The following PRDM16 variants were observed in gnomAD, a reference collection of about 807,000 sequenced individuals.
The protein encoded by PRDM16 is histone-lysine N-methyltransferase PRDM16.
PRDM16 carries 23 observed loss-of-function variants against 110.6 expected under a neutral mutation model. The ratio of observed to expected loss-of-function variants is 0.21; its 90% CI spans 0.15 to 0.29. PRDM16 has a LOEUF of 0.29. Ranked by LOEUF, PRDM16 falls within the 10% of genes least tolerant of loss-of-function variation. The pLI is 1.00. For missense variants in PRDM16, 1,615 were observed against 1,794.3 expected (o/e 0.90, Z 1.81); for synonymous variants, 799 against 781.8 (o/e 1.02, Z -0.37).
intron 1 of PRDM16, among the ~76,000 whole-genome samples, chr1:3,135,159 C>T (rs925136523): frequency 6.6e-6 from 1 of 152,210 alleles, no homozygotes; most frequent in Non-Finnish European, 1.5e-5. Context: ...AAGGCAGCTC[C>T]AAGAGTCCAG....
At chr1:3,321,765 G>T (rs976744620) in intron 3 of PRDM16, among the ~76,000 whole-genome samples, 7 of 151,130 alleles carry the variant, frequency 4.6e-5, no homozygotes, top group African/African-American at 1.7e-4. Context: ...GTGTGTTTGT[G>T]TATGTGTGCA....
Position 3,165,042 on chromosome 1 carries a change from G to A in PRDM16, c.38-21083G>A, listed in dbSNP as rs1305463786. 3.3e-5 allele frequency among the ~76,000 whole-genome samples: 5 copies of A among 152,254 alleles called. No homozygotes were observed. In the East Asian group the frequency reaches 7.7e-4, roughly 23 times the overall value. ...CTGTGCCAAGTGACATGGTGCTTGGGGAGATGCCTGGGCATGGCCTGGTAG... is the reference window on the plus strand; with the variant it reads ...CTGTGCCAAGTGACATGGTGCTTGGAGAGATGCCTGGGCATGGCCTGGTAG... On this transcript the variant is annotated intron_variant, in intron 1 of 16. Coordinates refer to ENST00000270722, the MANE Select transcript of PRDM16 (RefSeq NM_022114.4).
intron 3 of PRDM16, among the ~76,000 whole-genome samples, chr1:3,323,196 C>A (rs1186209186): frequency 6.6e-6 from 1 of 152,218 alleles, no homozygotes; most frequent in East Asian, 1.9e-4. Flanking sequence ...ATGGCAGGAT[C>A]CACCCCACCC....
rs1644184832 is a variant in PRDM16, at chr1:3,181,514, A to ACACAAGCG, written c.38-4611_38-4610insCACAAGCG. On this transcript the variant is annotated intron_variant, in intron 1 of 16. Coordinates refer to ENST00000270722, the MANE Select transcript of PRDM16 (RefSeq NM_022114.4). ...GCCTTACGCATGGTCTTACACACGC[A>ACACAAGCG]GTCTTACACAAGCGGTCTTACACAC... 1.8e-4 allele frequency among the ~76,000 whole-genome samples: 10 copies of ACACAAGCG among 55,158 alleles called. 1 individual carries two copies. The highest frequency in any genetic ancestry group is 4.7e-4 in the African/African-American group (10 of 21,204). The allele number at this position is 55,158 out of a possible 152,430, so 36.2% of individuals were successfully genotyped here.
At chr1:3,087,749 G>T (rs1368483548) in intron 1 of PRDM16, among the ~76,000 whole-genome samples, 1 of 152,130 alleles carries the variant, frequency 6.6e-6, no homozygotes, top group Admixed American at 6.5e-5. Flanking sequence ...CGTCTTGGTT[G>T]TGTCTGCCAG....
intron 2 of PRDM16, among the ~76,000 whole-genome samples, chr1:3,200,493 C>T (rs562676072): frequency 5.9e-5 from 9 of 152,326 alleles, no homozygotes; most frequent in South Asian, 2.1e-4. Context: ...CAGGCGCCCG[C>T]CACCACGCCT....
At chr1:3,402,273 C>CG (rs1287255732) in intron 5 of PRDM16, among the ~76,000 whole-genome samples, 16 of 152,198 alleles carry the variant, frequency 1.1e-4, no homozygotes, top group East Asian at 7.7e-4. Context: ...CCAGAGCCCC[C>CG]CACCGGGATG....
At chr1:3,156,066 GCAAATTCATCAC>G (rs1391321364) in intron 1 of PRDM16, among the ~76,000 whole-genome samples, 4 of 152,168 alleles carry the variant, frequency 2.6e-5, no homozygotes, top group Non-Finnish European at 5.9e-5. Flanking sequence ...AGGACCATTT[GCAAATTCATCAC>G]CGATATTCTT....
At chr1:3,421,040 G>A (rs1180843962) in intron 12 of PRDM16, among the ~76,000 whole-genome samples, 2 of 152,232 alleles carry the variant, frequency 1.3e-5, no homozygotes. Context: ...TGAAGCTGGA[G>A]CGTGCAAGGG....
At chr1:3,314,481 C>G (rs1641550604) in intron 3 of PRDM16, among the ~76,000 whole-genome samples, 1 of 152,048 alleles carries the variant, frequency 6.6e-6, no homozygotes, top group Non-Finnish European at 1.5e-5. Context: ...CTGAAACCCT[C>G]CCACCTTACA....
chr1:3,348,337 G>A (rs1433355751), intron 3 of PRDM16, among the ~76,000 whole-genome samples: 4 of 152,182 alleles, frequency 2.6e-5, no homozygotes, highest in South Asian at 4.1e-4. Flanking sequence ...GCAACTACTC[G>A]GCTGCCTGGC....
chr1:3,090,252 C>T (rs1642245708), intron 1 of PRDM16, among the ~76,000 whole-genome samples: 1 of 152,226 alleles, frequency 6.6e-6, no homozygotes, highest in Admixed American at 6.5e-5. Context: ...TGGGACTGCC[C>T]AGCAGACGGG....
At chr1:3,178,003 G>A (rs1436396227) in intron 1 of PRDM16, among the ~76,000 whole-genome samples, 4 of 152,160 alleles carry the variant, frequency 2.6e-5, no homozygotes, top group Non-Finnish European at 4.4e-5. Flanking sequence ...GCCAGGCCGC[G>A]GCGTCTTGCT....
rs901513099 is a variant in PRDM16, at chr1:3,190,326, C to T, written c.387+3852C>T. On this transcript the variant is annotated intron_variant, in intron 2 of 16. Transcript: ENST00000270722. This position sits in a 1 kb window ranked among gnomAD's most constrained non-coding sequence, Gnocchi z 5.0. ...TTAAGTGGGAGCTTTCCGTTAGCAA[C>T]GCAGGAATGAGGCTGGGGGTCGGGA... 6.6e-5 allele frequency among the ~76,000 whole-genome samples: 10 copies of T among 152,236 alleles called. 1 individual carries two copies. Among genetic ancestry groups the T allele is most frequent in the African/African-American group, 1.4e-4 (6 of 41,538 alleles).
intron 3 of PRDM16, among the ~76,000 whole-genome samples, chr1:3,357,019 G>T (rs567156276): frequency 6.6e-6 from 1 of 152,336 alleles, no homozygotes; most frequent in African/African-American, 2.4e-5. Flanking sequence ...GCTGCAGCTT[G>T]CCCACAGCAG....
rs947041137 is a variant in PRDM16, at chr1:3,315,238, G to C, written c.439-69914G>C. ...TCTTTGCCTTTCCAAGTTTTTGAAC[G>C]TCTACAGCGCAACTCCACAGCAGCC... On this transcript the variant is annotated intron_variant, in intron 3 of 16. Transcript: ENST00000270722. 3.8e-5 allele frequency among the ~76,000 whole-genome samples: 5 copies of C among 131,520 alleles called. No individual in the cohort carries two copies. In the Admixed American group the frequency reaches 4.1e-4, roughly 11 times the overall value. 86.3% of individuals were successfully genotyped at this position (131,520 alleles called of 152,430 possible).
rs935252550 is a variant in PRDM16 at position 3,328,319 on chromosome 1, G to T, written c.439-56833G>T. ...GGGGAGCTGTTCTGTGCAGTGGGGG[G>T]TGCTCACAACATCTCTGCCTCTGCC... On this transcript the variant is annotated intron_variant, in intron 3 of 16. Transcript: ENST00000270722. Among the ~76,000 whole-genome samples the T allele has an allele frequency of 5.3e-5, 8 of 152,234 alleles. No individual in the cohort carries two copies. The East Asian group carries it at 1.5e-3, about 29-fold the overall frequency.
At chr1:3,098,794 G>C (rs10909874) in intron 1 of PRDM16, among the ~76,000 whole-genome samples, 47,280 of 152,104 alleles carry the variant, frequency 0.31, 7,451 homozygotes, top group South Asian at 0.39. Context: ...CAGCCCTGCA[G>C]AGCTGGCTGC....
At chr1:3,282,589 A>G (rs1640732484) in intron 3 of PRDM16, among the ~76,000 whole-genome samples, 1 of 152,058 alleles carries the variant, frequency 6.6e-6, no homozygotes. Flanking sequence ...TTCTCAGGGA[A>G]ATGGGGAAAG....
Sources: gnomAD v4.1 joint callset for allele counts (sites outside exome capture counted in the v4.1 genomes callset) on GRCh38, gnomAD v4.1.1 for gene constraint, Gnocchi (gnomAD v3.1) non-coding constraint, MANE v1.5 for transcripts, NCBI Gene and HGNC (gene_info 2026-07-23, HGNC 2026-07-21) for gene names.